The following SYN1 variants were observed in gnomAD, a reference collection of about 807,000 sequenced individuals.
The protein encoded by SYN1 is synapsin-1.
Under a neutral mutation model 44.6 loss-of-function variants are expected in SYN1, and 8 were observed. That is an observed-to-expected ratio of 0.18 (90% confidence interval 0.11 to 0.32). The LOEUF is 0.32. Among genes scored for constraint, SYN1 ranks in the 10% least tolerant of loss-of-function variants. The pLI is 1.00. For synonymous variants in SYN1, 275 were observed against 280.1 expected, an observed-to-expected ratio of 0.98 and a Z score of 0.18; for missense variants, 451 against 639.4, an observed-to-expected ratio of 0.71 and a Z score of 3.18.
chrX:47,610,969 ACAG>A (rs1238097354), intron 1 of SYN1, among the ~76,000 whole-genome samples: 1 of 111,609 alleles, frequency 9.0e-6, no homozygotes, highest in African/African-American at 3.3e-5. Flanking sequence ...GCTGAGAAGC[ACAG>A]TAGTGGTAAG....
chrX:47,608,187 G>T (rs1306820601), intron 1 of SYN1, among the ~76,000 whole-genome samples: 1 of 104,676 alleles, frequency 9.6e-6, no homozygotes, highest in Non-Finnish European at 2.0e-5. Context: ...GGGGAACAGA[G>T]CAAGACCTAG....
At chrX:47,593,956 C>G (rs977791553) in intron 5 of SYN1, among the ~76,000 whole-genome samples, 1 of 112,164 alleles carries the variant, frequency 8.9e-6, no homozygotes, top group Non-Finnish European at 1.9e-5. Context: ...CATTACCAGG[C>G]GTGGTGGCTC....
intron 5 of SYN1, chrX:47,586,776 G>C: frequency 9.2e-7 from 1 of 1,090,413 alleles, no homozygotes; most frequent in Non-Finnish European, 1.2e-6. Flanking sequence ...GAAATAAAGA[G>C]TTACCACCCA....
intron 1 of SYN1, 55 bp downstream of exon 1, chrX:47,619,296 CA>C: frequency 8.4e-7 from 1 of 1,195,279 alleles, no homozygotes; most frequent in Non-Finnish European, 1.1e-6. Flanking sequence ...TGCTCATTCG[CA>C]GAAGAACGAT....
chrX:47,606,747 A>ATTTT (rs1169667275), intron 3 of SYN1, among the ~76,000 whole-genome samples, 198 bp downstream of exon 3: 9 of 99,639 alleles, frequency 9.0e-5, no homozygotes, highest in African/African-American at 3.3e-4. Context: ...ATATATATAT[A>ATTTT]TATATTTTTT....
chrX:47,613,419 C>T (rs982971941), intron 1 of SYN1, among the ~76,000 whole-genome samples: 2 of 111,615 alleles, frequency 1.8e-5, no homozygotes, highest in African/African-American at 3.3e-5. Context: ...ACATTGAATC[C>T]CTGACACGCC....
chrX:47,596,836 A>G (rs2057865075), intron 5 of SYN1, among the ~76,000 whole-genome samples: 2 of 112,221 alleles, frequency 1.8e-5, no homozygotes, highest in Admixed American at 9.5e-5. Context: ...AACAAAATTA[A>G]GTGTGGCCCA....
intron 5 of SYN1, chrX:47,589,805 T>C (rs1446231675): frequency 9.0e-6 from 1 of 111,275 alleles, no homozygotes; most frequent in African/African-American, 3.3e-5. Context: ...GTGAAGTACT[T>C]GGAACAGTGC....
chrX:47,614,743 C>T (rs2057926437), intron 1 of SYN1, among the ~76,000 whole-genome samples: 1 of 111,842 alleles, frequency 8.9e-6, no homozygotes, highest in African/African-American at 3.3e-5. Flanking sequence ...TGGGCATTGG[C>T]CTCTGCAACA....
At chrX:47,582,959 C>T (rs1277544293) in intron 5 of SYN1, among the ~76,000 whole-genome samples, 1 of 84,111 alleles carries the variant, frequency 1.2e-5, no homozygotes, top group Admixed American at 1.4e-4. Context: ...CTCCCTAAAC[C>T]CCCAACCTCC....
chrX:47,589,480 T>C (rs1386971300), intron 5 of SYN1, among the ~76,000 whole-genome samples: 1 of 104,649 alleles, frequency 9.6e-6, no homozygotes, highest in African/African-American at 3.5e-5. Context: ...TGGGCGCCTG[T>C]AGTCCCAGCT....
At chrX:47,606,060 T>C (rs1244341449) in intron 3 of SYN1, among the ~76,000 whole-genome samples, 2 of 109,670 alleles carry the variant, frequency 1.8e-5, no homozygotes, top group Non-Finnish European at 3.8e-5. Context: ...GCCTGGCTAA[T>C]TTTTTTATTT....
intron 5 of SYN1, 172 bp downstream of exon 5, chrX:47,604,806 T>C (rs2147927488): frequency 4.1e-6 from 2 of 488,383 alleles, no homozygotes; most frequent in African/African-American, 2.4e-5. Context: ...TAGTTTTCCT[T>C]GTAAGCATAA....
At chrX:47,581,283 C>G (rs975556958) in intron 5 of SYN1, among the ~76,000 whole-genome samples, 2 of 112,350 alleles carry the variant, frequency 1.8e-5, no homozygotes, top group African/African-American at 6.5e-5. Flanking sequence ...GCCATCATCA[C>G]TACAATTATT....
chrX:47,574,997 G>T, intron 10 of SYN1, 131 bp downstream of exon 10: 1 of 949,235 alleles, frequency 1.1e-6, no homozygotes, highest in Non-Finnish European at 1.5e-6. Flanking sequence ...TTAAACAATT[G>T]GCAATCGCAG....
intron 1 of SYN1, among the ~76,000 whole-genome samples, chrX:47,608,702 G>A (rs944566808): frequency 9.1e-6 from 1 of 109,841 alleles, no homozygotes; most frequent in Non-Finnish European, 1.9e-5. Flanking sequence ...CCCCGGGCCC[G>A]TCCCCAGCTG....
chrX:47,580,500 G>A lies in SYN1; in HGVS notation c.775-2999C>T, dbSNP rs757466609. On this transcript the variant is annotated intron_variant, in intron 5 of 12. Coordinates refer to ENST00000295987, the MANE Select transcript of SYN1 (RefSeq NM_006950.3). ...ACAAAAATTAGCCAGGCGTGGTGGCGTGTGCCTGTAACCCCAGCTACTGAG... is the reference window on the plus strand; with the variant it reads ...ACAAAAATTAGCCAGGCGTGGTGGCATGTGCCTGTAACCCCAGCTACTGAG... Among the ~76,000 whole-genome samples the A allele has an allele frequency of 1.0e-4, 11 of 109,692 alleles. No homozygotes were observed. The South Asian group carries it at 3.2e-3, about 32-fold the overall frequency.
chrX:47,574,143 C>G lies in SYN1; in HGVS notation c.1841G>C (p.Gly614Ala). 1 of 1,074,986 alleles carries G rather than the reference C, an allele frequency of 9.3e-7. No homozygotes were observed. Among genetic ancestry groups the G allele is most frequent in the Non-Finnish European group, 1.2e-6 (1 of 835,411 alleles). 88.6% of individuals were successfully genotyped at this position (1,074,986 alleles called of 1,213,427 possible). The part of the protein sequence containing the change: ...ASQAGPVPRT[G>A]PPTTQQPRPS... The stretch of plus-strand genomic sequence containing the variant: ...CCGAGGCTGCTGCGTGGTGGGTGGC[C>G]CAGTGCGGGGCACGGGACCCGCCTG... The change falls in exon 12 of 13, where the codon GGG becomes GCG. Residue 614 changes from glycine to alanine, a missense_variant. By Grantham distance (60) the Gly-to-Ala change is moderately conservative. Around this residue, in one of 3 missense-constraint regions of SYN1, gnomAD observed 127 missense variants for 154.8 expected, o/e 0.82. Transcript: ENST00000295987.
intron 12 of SYN1, 141 bp downstream of exon 12, chrX:47,573,861 G>A (rs2057767983): frequency 3.8e-6 from 2 of 529,391 alleles, no homozygotes; most frequent in African/African-American, 2.4e-5. Flanking sequence ...TGGGGGAAGG[G>A]CTTGGCTCAG....
Sources: allele counts gnomAD v4.1 joint callset (sites outside exome capture counted in the v4.1 genomes callset), GRCh38; gene constraint gnomAD v4.1.1; regional missense constraint gnomAD v4.1.1; transcripts MANE v1.5; gene names NCBI Gene and HGNC (gene_info 2026-07-23, HGNC 2026-07-21).